FCHSD2: variants seen among roughly 807,000 people sequenced by gnomAD.
The protein encoded by FCHSD2 is F-BAR and double SH3 domains protein 2.
FCHSD2 carries 38 observed loss-of-function variants against 108.1 expected under a neutral mutation model. The ratio of observed to expected loss-of-function variants is 0.35; its 90% confidence interval spans 0.27 to 0.46. The LOEUF is 0.46. Among genes scored for constraint, FCHSD2 ranks in the 20% least tolerant of loss-of-function variants. FCHSD2 has a pLI of 1.00. For missense variants in FCHSD2, 751 were observed against 897.8 expected (o/e 0.84, Z 2.09); for synonymous variants, 279 against 314.7 (o/e 0.89, Z 1.20).
intron 8 of FCHSD2, among the ~76,000 whole-genome samples, chr11:72,966,706 A>G (rs1346248093): frequency 6.6e-6 from 1 of 152,170 alleles, no homozygotes; most frequent in Non-Finnish European, 1.5e-5. Flanking sequence ...TTTTGCTTTC[A>G]TGAAGTTTAT....
chr11:73,036,744 G>C (rs1405050168), intron 3 of FCHSD2, among the ~76,000 whole-genome samples: 1 of 152,060 alleles, frequency 6.6e-6, no homozygotes, highest in African/African-American at 2.4e-5. Flanking sequence ...CTATATACAA[G>C]GTACTAACAT....
At chr11:73,097,483 T>C (rs1420197670) in intron 2 of FCHSD2, among the ~76,000 whole-genome samples, 1 of 151,626 alleles carries the variant, frequency 6.6e-6, no homozygotes, top group African/African-American at 2.4e-5. Flanking sequence ...GGCCTCAGAA[T>C]ATGTTAGAAA....
At position 72,900,291 on chromosome 11, in the gene FCHSD2, G is replaced by T. The variant is rs557194577; in HGVS notation, c.924+2252C>A. ...GGTCATTCTCAGAGCACTGACAGGG[G>T]AGAGCTCAATATCCACCAGTTGGGC... is the stretch of plus-strand genomic sequence containing the variant. On this transcript the variant is annotated intron_variant, in intron 10 of 19. Coordinates refer to ENST00000409418, the MANE Select transcript of FCHSD2 (RefSeq NM_014824.3). 4.5e-6 allele frequency: 7 copies of T among 1,550,202 alleles called. No individual in the cohort carries two copies. In the African/African-American group the frequency reaches 6.8e-5, roughly 15 times the overall value.
At chr11:72,861,904 C>T (rs1228022264) in intron 13 of FCHSD2, among the ~76,000 whole-genome samples, 1 of 148,066 alleles carries the variant, frequency 6.8e-6, no homozygotes, top group African/African-American at 2.5e-5. Flanking sequence ...GCACTCCAGC[C>T]TGGGCAACAA....
intron 3 of FCHSD2, among the ~76,000 whole-genome samples, chr11:73,031,917 G>T (rs1359055191): frequency 6.6e-6 from 1 of 152,074 alleles, no homozygotes; most frequent in African/African-American, 2.4e-5. Flanking sequence ...AACATTATGG[G>T]TATTATCAAT....
At chr11:73,085,639 C>A (rs536469445) in intron 2 of FCHSD2, among the ~76,000 whole-genome samples, 1 of 152,084 alleles carries the variant, frequency 6.6e-6, no homozygotes, top group Non-Finnish European at 1.5e-5. Context: ...TCACAAAAGA[C>A]TTCAGAAGAC....
intron 3 of FCHSD2, among the ~76,000 whole-genome samples, chr11:73,056,817 T>C (rs963794053): frequency 1.3e-5 from 2 of 152,140 alleles, no homozygotes; most frequent in Non-Finnish European, 2.9e-5. Context: ...GCGCGGTGGC[T>C]CACGCCTGTA....
At chr11:72,989,168 G>A in intron 5 of FCHSD2, 71 bp from the exon 6 acceptor site, 2 of 1,235,668 alleles carry the variant, frequency 1.6e-6, no homozygotes, top group Non-Finnish European at 1.1e-6. Context: ...TCATCCTAAG[G>A]ACTATACACT....
intron 8 of FCHSD2, among the ~76,000 whole-genome samples, chr11:72,929,721 A>C (rs1194381343): frequency 6.6e-6 from 1 of 152,218 alleles, no homozygotes; most frequent in East Asian, 1.9e-4. Context: ...CAACGATCAG[A>C]ATAAAAATTG....
In FCHSD2 at chr11:72,843,431, AT is replaced by A; in HGVS notation, c.1527+17del. On this transcript the variant is annotated intron_variant, in intron 15 of 19. Coordinates refer to ENST00000409418, the MANE Select transcript of FCHSD2 (RefSeq NM_014824.3). ...TAAAAATGTCACAAGAAAGGGCGATATGAGCAAAGGAATATACCTTTACCCA... is the reference window on the plus strand; with the variant it reads ...TAAAAATGTCACAAGAAAGGGCGATAGAGCAAAGGAATATACCTTTACCCA... 1 of 1,607,910 alleles carries A rather than the reference AT, an allele frequency of 6.2e-7. No individual in the cohort carries two copies. Among genetic ancestry groups the A allele is most frequent in the African/African-American group, 1.3e-5 (1 of 74,902 alleles).
chr11:73,003,786 G>A (rs1857677780), intron 4 of FCHSD2, among the ~76,000 whole-genome samples: 1 of 151,426 alleles, frequency 6.6e-6, no homozygotes, highest in Non-Finnish European at 1.5e-5. Context: ...TATTTCACCA[G>A]GTTTCATATG....
chr11:73,077,245 A>G (rs746626503), intron 3 of FCHSD2, among the ~76,000 whole-genome samples: 2 of 152,138 alleles, frequency 1.3e-5, no homozygotes, highest in Admixed American at 6.5e-5. Context: ...AAAAAAATCA[A>G]TAAAATATTT....
intron 3 of FCHSD2, among the ~76,000 whole-genome samples, chr11:73,075,449 T>C (rs947094854): frequency 9.9e-5 from 15 of 152,176 alleles, no homozygotes; most frequent in African/African-American, 3.4e-4. Context: ...TGCTAGGACA[T>C]TACTAGAACT....
intron 3 of FCHSD2, among the ~76,000 whole-genome samples, chr11:73,050,545 A>G (rs1858875219): frequency 6.6e-6 from 1 of 152,168 alleles, no homozygotes; most frequent in Admixed American, 6.5e-5. Context: ...ACAACATTGG[A>G]GTAATCAGAA....
chr11:73,040,804 A>T (rs181091131), intron 3 of FCHSD2, among the ~76,000 whole-genome samples: 1 of 152,330 alleles, frequency 6.6e-6, no homozygotes, highest in Admixed American at 6.5e-5. Flanking sequence ...ACTGTGCTAT[A>T]AAATACTAAA....
intron 3 of FCHSD2, among the ~76,000 whole-genome samples, chr11:73,017,133 C>T (rs1426685090): frequency 6.6e-6 from 1 of 152,140 alleles, no homozygotes; most frequent in Non-Finnish European, 1.5e-5. Context: ...CAGGCACATG[C>T]CACTGAGCCC....
At chr11:73,036,367 T>G (rs1224354997) in intron 3 of FCHSD2, among the ~76,000 whole-genome samples, 1 of 151,572 alleles carries the variant, frequency 6.6e-6, no homozygotes, top group Non-Finnish European at 1.5e-5. Flanking sequence ...TTTTGTACAA[T>G]ATTTCACAAC....
At chr11:72,974,811 A>C (rs569106780) in intron 8 of FCHSD2, among the ~76,000 whole-genome samples, 1 of 152,302 alleles carries the variant, frequency 6.6e-6, no homozygotes, top group Non-Finnish European at 1.5e-5. Context: ...GGGCATTAAA[A>C]AAAAAAGGAT....
intron 13 of FCHSD2, among the ~76,000 whole-genome samples, chr11:72,865,768 A>C (rs1278010529): frequency 2.0e-5 from 3 of 152,166 alleles, no homozygotes; most frequent in African/African-American, 7.2e-5. Context: ...TGGGAATCTC[A>C]GAGTCTTTTA....
Sources: allele counts gnomAD v4.1 joint callset (sites outside exome capture counted in the v4.1 genomes callset), GRCh38; gene constraint gnomAD v4.1.1; transcripts MANE v1.5; gene names NCBI Gene and HGNC (gene_info 2026-07-23, HGNC 2026-07-21).